The following LRP1B variants were observed in gnomAD, a reference collection of about 807,000 sequenced individuals.
LRP1B encodes LDL receptor related protein 1B.
A neutral mutation model predicts 556.6 loss-of-function variants in LRP1B; 217 were observed. The ratio of observed to expected loss-of-function variants is 0.39; its 90% CI spans 0.35 to 0.44. LRP1B has a LOEUF of 0.44. LRP1B is among the 20% of genes least tolerant of loss of function. LRP1B has a pLI of 1.00. For missense variants in LRP1B, 5,053 were observed against 5,620.8 expected (o/e 0.90, Z 3.23); for synonymous variants, 2,047 against 1,865.8 (o/e 1.10, Z -2.50).
At chr2:141,821,625 G>A (rs1696755846) in intron 1 of LRP1B, among the ~76,000 whole-genome samples, 1 of 152,112 alleles carries the variant, frequency 6.6e-6, no homozygotes, top group African/African-American at 2.4e-5. Context: ...GTGTATACAT[G>A]TTTTTATTCT....
At chr2:140,934,897 C>A (rs920683985) in intron 20 of LRP1B, among the ~76,000 whole-genome samples, 13 of 152,090 alleles carry the variant, frequency 8.5e-5, no homozygotes, top group Admixed American at 7.9e-4. Context: ...CTAGGATGTT[C>A]AAACACAACC....
chr2:140,280,190 C>T (rs1682856370), intron 84 of LRP1B, among the ~76,000 whole-genome samples: 1 of 151,780 alleles, frequency 6.6e-6, no homozygotes, highest in African/African-American at 2.4e-5. Context: ...AACCACTCAA[C>T]TCACACTCCA....
At chr2:140,339,696 C>A (rs766816629) in intron 77 of LRP1B, among the ~76,000 whole-genome samples, 5 of 151,534 alleles carry the variant, frequency 3.3e-5, no homozygotes, top group Admixed American at 6.6e-5. Context: ...TACACAAATT[C>A]TAAATATTAC....
chr2:141,903,322 G>A (rs1334314402), intron 1 of LRP1B, among the ~76,000 whole-genome samples: 1 of 151,868 alleles, frequency 6.6e-6, no homozygotes, highest in African/African-American at 2.4e-5. Flanking sequence ...TCCATGCTGT[G>A]CAACAAGCCA....
intron 37 of LRP1B, among the ~76,000 whole-genome samples, chr2:140,708,801 C>T (rs564748119): frequency 1.6e-3 from 240 of 152,016 alleles, no homozygotes; most frequent in Non-Finnish European, 2.2e-3. Flanking sequence ...AGAGCCTATA[C>T]TTCTAGAGCT....
At chr2:140,935,537 A>T (rs929929802) in intron 20 of LRP1B, among the ~76,000 whole-genome samples, 2 of 152,122 alleles carry the variant, frequency 1.3e-5, no homozygotes, top group African/African-American at 4.8e-5. Flanking sequence ...AGTATAAGAG[A>T]CTTGCAGGGC....
At chr2:140,994,166 T>A (rs1265899945) in intron 15 of LRP1B, 31 bp from the exon 16 acceptor site, 1 of 1,591,664 alleles carries the variant, frequency 6.3e-7, no homozygotes, top group Admixed American at 1.7e-5. Flanking sequence ...GGTATATGAA[T>A]AATGCTAGCT....
chr2:140,644,919 T>C (rs1388759546), intron 41 of LRP1B, among the ~76,000 whole-genome samples: 2 of 152,150 alleles, frequency 1.3e-5, no homozygotes, highest in Non-Finnish European at 1.5e-5. Flanking sequence ...TCTGAGTACA[T>C]ACATTCTTTG....
At chr2:140,864,447 A>G (rs1046962108) in intron 27 of LRP1B, among the ~76,000 whole-genome samples, 1 of 152,094 alleles carries the variant, frequency 6.6e-6, no homozygotes, top group Admixed American at 6.6e-5. Flanking sequence ...TCTTAGATGG[A>G]GAATTGTTCC....
chr2:140,499,137 G>A (rs1278002355), intron 55 of LRP1B, among the ~76,000 whole-genome samples: 1 of 151,838 alleles, frequency 6.6e-6, no homozygotes, highest in Non-Finnish European at 1.5e-5. Flanking sequence ...ATTTATGTGT[G>A]AGGAATGTTT....
At chr2:141,779,986 C>A (rs1048895806) in intron 2 of LRP1B, among the ~76,000 whole-genome samples, 21 of 150,722 alleles carry the variant, frequency 1.4e-4, no homozygotes, top group African/African-American at 5.1e-4. Flanking sequence ...AAGTCACTGT[C>A]TTTGGTCATG....
chr2:141,827,056 G>A (rs1396570800), intron 1 of LRP1B, among the ~76,000 whole-genome samples: 1 of 152,112 alleles, frequency 6.6e-6, no homozygotes, highest in Non-Finnish European at 1.5e-5. Flanking sequence ...AACCATCCTT[G>A]TGCCTGTCAT....
At chr2:141,310,178 T>G (rs949222283) in intron 3 of LRP1B, among the ~76,000 whole-genome samples, 1 of 152,130 alleles carries the variant, frequency 6.6e-6, no homozygotes, top group African/African-American at 2.4e-5. Flanking sequence ...ACAGAAGAAA[T>G]GAGACCTCAA....
chr2:140,915,666 AAATAAATAAAT>A (rs1371872529), intron 21 of LRP1B, among the ~76,000 whole-genome samples: 1 of 149,844 alleles, frequency 6.7e-6, no homozygotes, highest in Non-Finnish European at 1.5e-5. Context: ...ATAAATAAAT[AAATAAATAAAT>A]AAATAAATAA....
chr2:141,181,650 G>A (rs911212822), intron 7 of LRP1B, among the ~76,000 whole-genome samples: 7 of 151,946 alleles, frequency 4.6e-5, no homozygotes, highest in African/African-American at 1.7e-4. Flanking sequence ...AGCGCAATGA[G>A]AGTCAAATCA....
At chr2:141,853,543 T>C (rs1223649687) in intron 1 of LRP1B, among the ~76,000 whole-genome samples, 1 of 151,846 alleles carries the variant, frequency 6.6e-6, no homozygotes, top group African/African-American at 2.4e-5. Flanking sequence ...GGTATTGTTA[T>C]GAAGCAAAAC....
chr2:141,488,194 C>A (rs1683188466), intron 2 of LRP1B, among the ~76,000 whole-genome samples: 1 of 151,812 alleles, frequency 6.6e-6, no homozygotes, highest in Non-Finnish European at 1.5e-5. Flanking sequence ...TTTTTTCCCA[C>A]TCTATTTTAC....
chr2:140,761,196 T>C (rs452589), intron 35 of LRP1B, among the ~76,000 whole-genome samples: 150,332 of 152,310 alleles, frequency 0.99, 74,218 homozygotes, highest in Middle Eastern at 1. Context: ...CATAAACTTT[T>C]ACATTAATAA....
At chr2:141,966,128 T>C (rs986060765) in intron 1 of LRP1B, among the ~76,000 whole-genome samples, 6 of 151,880 alleles carry the variant, frequency 4.0e-5, no homozygotes, top group African/African-American at 1.4e-4. Context: ...GAGCAAGGCT[T>C]ATATTCATCA....
Sources: gnomAD v4.1 joint callset for allele counts (sites outside exome capture counted in the v4.1 genomes callset) on GRCh38, gnomAD v4.1.1 for gene constraint, MANE v1.5 for transcripts, NCBI Gene and HGNC (gene_info 2026-07-23, HGNC 2026-07-21) for gene names.